Variants in SHMT1 observed in about 807,000 individuals in gnomAD.
SHMT1 encodes serine hydroxymethyltransferase 1.
In SHMT1, 45 loss-of-function variants were observed where a neutral mutation model predicts 49.0. The observed-to-expected ratio is 0.92, with a 90% CI of 0.72 to 1.18. The LOEUF is 1.18. Ranked by LOEUF, SHMT1 falls within the 50% of genes most tolerant of loss-of-function variation. The probability of loss-of-function intolerance (pLI) is 0.00; values close to 1 mark genes in which losing one functional copy is unlikely to be tolerated. For synonymous variants in SHMT1, 232 were observed against 246.6 expected, an observed-to-expected ratio of 0.94 and a Z score of 0.55; for missense variants, 541 against 612.4, an observed-to-expected ratio of 0.88 and a Z score of 1.23.
intron 8 of SHMT1, among the ~76,000 whole-genome samples, chr17:18,334,934 C>G (rs1423039148): frequency 1.3e-5 from 2 of 152,206 alleles, no homozygotes; most frequent in East Asian, 3.8e-4. Context: ...AGGTTCCTCT[C>G]TAGAAGTGCT....
chr17:18,354,377 C>G (rs1375634234), intron 2 of SHMT1, among the ~76,000 whole-genome samples: 1 of 152,166 alleles, frequency 6.6e-6, no homozygotes. Context: ...CGAGATCACG[C>G]CATTGCACTC....
intron 1 of SHMT1, among the ~76,000 whole-genome samples, chr17:18,358,634 G>A (rs1192311723): frequency 4.6e-5 from 7 of 152,214 alleles, no homozygotes; most frequent in African/African-American, 1.7e-4. Flanking sequence ...GGGTGTGGTG[G>A]TTCATGCCTG....
chr17:18,358,734 TC>T (rs1171834416), intron 1 of SHMT1, among the ~76,000 whole-genome samples: 2 of 151,240 alleles, frequency 1.3e-5, no homozygotes, highest in Non-Finnish European at 2.9e-5. Context: ...AAGCCCCATT[TC>T]TACAAAAAAT....
chr17:18,361,121 C>T (rs1241710798), intron 1 of SHMT1, among the ~76,000 whole-genome samples: 1 of 151,742 alleles, frequency 6.6e-6, no homozygotes. Flanking sequence ...GCCTGACCAA[C>T]ACGGTAAAAC....
intron 5 of SHMT1, 46 bp downstream of exon 5, chr17:18,347,448 CAG>C (rs1985198278): frequency 1.2e-6 from 2 of 1,604,940 alleles, no homozygotes; most frequent in Admixed American, 3.3e-5. Context: ...AGCCAAGCAT[CAG>C]AGGTTTCCCA....
intron 1 of SHMT1, among the ~76,000 whole-genome samples, chr17:18,361,036 G>A (rs1331635956): frequency 1.3e-5 from 2 of 151,784 alleles, no homozygotes; most frequent in Admixed American, 6.6e-5. Context: ...TGGGCGCAGT[G>A]GCTCAATTCC....
intron 5 of SHMT1, among the ~76,000 whole-genome samples, chr17:18,344,309 C>T (rs1984845714): frequency 6.6e-6 from 1 of 152,100 alleles, no homozygotes; most frequent in South Asian, 2.1e-4. Context: ...CTTTCTCAGT[C>T]ACCTGAATTT....
rs1598044068 is a variant in SHMT1, at chr17:18,346,112, C to G, written c.519+1384G>C. Among the ~76,000 whole-genome samples the G allele has an allele frequency of 2.6e-5, 4 of 152,248 alleles. No homozygotes were observed. The South Asian group carries it at 8.3e-4, about 32-fold the overall frequency. ...GAAAAGAAATGACTGCAAAAAAGAG[C>G]ACACGTGCAATCACCAGCACTGAGA... On this transcript the variant is annotated intron_variant, in intron 5 of 11. Coordinates refer to ENST00000316694, the MANE Select transcript of SHMT1 (RefSeq NM_004169.5).
chr17:18,338,904 ACTGCGGAAAGCCGCAGGGTCCT>A (rs1984155156), intron 7 of SHMT1, among the ~76,000 whole-genome samples: 1 of 152,106 alleles, frequency 6.6e-6, no homozygotes, highest in South Asian at 2.1e-4. Context: ...GGACACAAAC[ACTGCGGAAAGCCGCAGGGTCCT>A]CTGCCTAGGA....
chr17:18,340,665 C>T lies in SHMT1; in HGVS notation c.601+67G>A. The T allele has an allele frequency of 7.1e-7, 1 of 1,412,274 alleles. No individual in the cohort carries two copies. Among genetic ancestry groups the T allele is most frequent in the Non-Finnish European group, 9.8e-7 (1 of 1,015,606 alleles). 87.5% of individuals were successfully genotyped at this position (1,412,274 alleles called of 1,614,324 possible). ...GGCTCAACAGGGTGCGAACATCTTT[C>T]CATCCTCATTCTGTAAGAGGCACCA... On this transcript the variant is annotated intron_variant, in intron 6 of 11. Coordinates refer to ENST00000316694, the MANE Select transcript of SHMT1 (RefSeq NM_004169.5). The surrounding 1 kb of genome is among the most constrained non-coding windows in gnomAD (Gnocchi z 4.5).
At chr17:18,356,183 C>T (rs987722117) in intron 1 of SHMT1, among the ~76,000 whole-genome samples, 183 bp from the exon 2 acceptor site, 7 of 151,962 alleles carry the variant, frequency 4.6e-5, no homozygotes, top group Non-Finnish European at 8.8e-5. Flanking sequence ...CTTCTGACTA[C>T]AGGCGCATGC....
At chr17:18,333,471 TTTA>T (rs1983461647) in intron 8 of SHMT1, 183 bp from the exon 9 acceptor site, 1 of 252,636 alleles carries the variant, frequency 4.0e-6, no homozygotes, top group Admixed American at 5.7e-5. Context: ...ATTTATTATT[TTTA>T]TTTTTTTTGA....
chr17:18,340,307 G>A lies in SHMT1; in HGVS notation c.602-52C>T, dbSNP rs1223605552. On this transcript the variant is annotated intron_variant, in intron 6 of 11. Coordinates refer to ENST00000316694, the MANE Select transcript of SHMT1 (RefSeq NM_004169.5). This position sits in a 1 kb window ranked among gnomAD's most constrained non-coding sequence, Gnocchi z 4.5. ...CATCAGAGATGTCCACCGGCCAGCT[G>A]AGTTGGCTTCACAGTGGCCTCTAGA... is the stretch of plus-strand genomic sequence containing the variant. 8 of 1,587,770 alleles carry A rather than the reference G, an allele frequency of 5.0e-6. No individual in the cohort carries two copies. The African/African-American group carries it at 8.1e-5, about 16-fold the overall frequency.
intron 1 of SHMT1, among the ~76,000 whole-genome samples, chr17:18,362,153 C>T (rs2461837): frequency 0.26 from 38,901 of 152,132 alleles, 5,289 homozygotes; most frequent in Non-Finnish European, 0.3. Flanking sequence ...AGGGAGCTAA[C>T]TTGTCTAAAG....
chr17:18,349,351 T>C (rs1477549880), intron 3 of SHMT1, among the ~76,000 whole-genome samples: 1 of 151,728 alleles, frequency 6.6e-6, no homozygotes, highest in Non-Finnish European at 1.5e-5. Flanking sequence ...ACCCAGGAGG[T>C]GGAGGTTGCA....
At chr17:18,342,275 T>C (rs1598036725) in intron 5 of SHMT1, among the ~76,000 whole-genome samples, 1 of 152,160 alleles carries the variant, frequency 6.6e-6, no homozygotes, top group Non-Finnish European at 1.5e-5. Flanking sequence ...GAGGACCTTA[T>C]GCTAAGTGAA....
intron 5 of SHMT1, among the ~76,000 whole-genome samples, chr17:18,347,213 C>T (rs2273027): frequency 0.41 from 62,097 of 152,068 alleles, 13,099 homozygotes; most frequent in African/African-American, 0.5. Context: ...CCCAGGGTTG[C>T]TATTCCAAGC....
intron 9 of SHMT1, chr17:18,332,529 AAGTCGCC>A (rs1204038610): frequency 5.6e-6 from 1 of 178,218 alleles, no homozygotes; most frequent in Non-Finnish European, 1.2e-5. Flanking sequence ...ACTAGGTATA[AAGTCGCC>A]CTTCCTCCGG....
chr17:18,334,714 G>A (rs532695448), intron 8 of SHMT1, among the ~76,000 whole-genome samples: 1 of 152,178 alleles, frequency 6.6e-6, no homozygotes, highest in Non-Finnish European at 1.5e-5. Flanking sequence ...CCACGGGCCT[G>A]CATCCCGCAC....
Sources: allele counts gnomAD v4.1 joint callset (sites outside exome capture counted in the v4.1 genomes callset), GRCh38; gene constraint gnomAD v4.1.1; non-coding constraint Gnocchi (gnomAD v3.1); transcripts MANE v1.5; gene names NCBI Gene and HGNC (gene_info 2026-07-23, HGNC 2026-07-21).